KHDRBS2: variants seen among roughly 807,000 people sequenced by gnomAD.
KHDRBS2 encodes the protein KH RNA binding domain containing, signal transduction associated 2.
In KHDRBS2, 26 loss-of-function variants were observed where a neutral mutation model predicts 44.3. The observed-to-expected ratio is 0.59, with a 90% CI of 0.43 to 0.81. The LOEUF is 0.81. Among genes scored for constraint, KHDRBS2 ranks in the 40% least tolerant of loss-of-function variants. The probability of loss-of-function intolerance (pLI) is 0.00; values close to 1 mark genes in which losing one functional copy is unlikely to be tolerated. For synonymous variants in KHDRBS2, 194 were observed against 151.1 expected, an observed-to-expected ratio of 1.28 and a Z score of -2.08; for missense variants, 476 against 433.1, an observed-to-expected ratio of 1.10 and a Z score of -0.88.
At chr6:62,053,205 G>T (rs1303125780) in intron 2 of KHDRBS2, among the ~76,000 whole-genome samples, 2 of 151,884 alleles carry the variant, frequency 1.3e-5, no homozygotes, top group Non-Finnish European at 2.9e-5. Flanking sequence ...TGCACAAAGG[G>T]ATCTCTCTAG....
chr6:61,760,643 A>G (rs1343931425), intron 6 of KHDRBS2, among the ~76,000 whole-genome samples: 1 of 152,098 alleles, frequency 6.6e-6, no homozygotes, highest in African/African-American at 2.4e-5. Context: ...AGCAGAAAAA[A>G]GGAAAAAAAG....
At chr6:61,839,263 T>C (rs1009364873) in intron 6 of KHDRBS2, among the ~76,000 whole-genome samples, 3 of 152,118 alleles carry the variant, frequency 2.0e-5, no homozygotes, top group African/African-American at 7.2e-5. Context: ...TAATTATGTA[T>C]TTATTTCTGA....
At chr6:61,625,566 G>A in the KHDRBS2 span, among the ~76,000 whole-genome samples, 4 of 151,918 alleles carry the variant, frequency 2.6e-5, no homozygotes, top group Non-Finnish European at 5.9e-5. Flanking sequence ...AGAGCGACTA[G>A]GGCCAGGCAA....
chr6:61,568,635 G>A, the KHDRBS2 span, among the ~76,000 whole-genome samples: 1 of 150,998 alleles, frequency 6.6e-6, no homozygotes, highest in East Asian at 2.0e-4. Flanking sequence ...ACATCTCACT[G>A]GAGAATCTGA....
chr6:62,017,481 T>C (rs1781418481), intron 3 of KHDRBS2, among the ~76,000 whole-genome samples: 2 of 152,144 alleles, frequency 1.3e-5, no homozygotes, highest in Non-Finnish European at 2.9e-5. Context: ...AAAATAATGC[T>C]ACCCATTTAT....
At chr6:61,648,671 G>A in the KHDRBS2 span, among the ~76,000 whole-genome samples, 2 of 152,102 alleles carry the variant, frequency 1.3e-5, no homozygotes, top group Non-Finnish European at 2.9e-5. Flanking sequence ...AGAAAACAAG[G>A]CGGTCATTCT....
the KHDRBS2 span, among the ~76,000 whole-genome samples, chr6:61,667,111 A>G: frequency 6.6e-6 from 1 of 150,570 alleles, no homozygotes; most frequent in Non-Finnish European, 1.5e-5. Flanking sequence ...TAAAAACGTC[A>G]ATTATCCAAT....
chr6:61,738,750 T>A (rs929914810), intron 6 of KHDRBS2, among the ~76,000 whole-genome samples: 1 of 151,972 alleles, frequency 6.6e-6, no homozygotes, highest in African/African-American at 2.4e-5. Flanking sequence ...TTAATATTCC[T>A]ACTAATTTCT....
At chr6:61,571,483 T>C in the KHDRBS2 span, among the ~76,000 whole-genome samples, 1 of 151,258 alleles carries the variant, frequency 6.6e-6, no homozygotes, top group Non-Finnish European at 1.5e-5. Context: ...GGGACTTTGA[T>C]ATTCCACTGA....
chr6:62,001,576 A>G (rs147858926), intron 3 of KHDRBS2, among the ~76,000 whole-genome samples: 257 of 152,274 alleles, frequency 1.7e-3, no homozygotes, highest in African/African-American at 5.5e-3. Context: ...GATACTTACC[A>G]TGTCCATATT....
chr6:61,919,127 T>A (rs1278275034), intron 4 of KHDRBS2, among the ~76,000 whole-genome samples: 2 of 151,938 alleles, frequency 1.3e-5, no homozygotes, highest in African/African-American at 4.8e-5. Flanking sequence ...TTTATGTGTG[T>A]CTATTTAGAA....
intron 2 of KHDRBS2, among the ~76,000 whole-genome samples, chr6:62,059,700 G>C (rs1791268593): frequency 6.6e-6 from 1 of 151,728 alleles, no homozygotes; most frequent in Non-Finnish European, 1.5e-5. Flanking sequence ...GGTAGACCTT[G>C]AGAGATAAAT....
intron 6 of KHDRBS2, among the ~76,000 whole-genome samples, chr6:61,882,817 C>T (rs1475271822): frequency 6.6e-6 from 1 of 151,990 alleles, no homozygotes; most frequent in Non-Finnish European, 1.5e-5. Context: ...ATTAACCATT[C>T]CTGTAAGGCT....
At chr6:61,700,907 A>C (rs1037412027) in intron 7 of KHDRBS2, among the ~76,000 whole-genome samples, 4 of 151,934 alleles carry the variant, frequency 2.6e-5, no homozygotes, top group African/African-American at 9.7e-5. Context: ...TGTTAAGAGA[A>C]AAATACATTT....
At chr6:61,661,674 C>G in the KHDRBS2 span, among the ~76,000 whole-genome samples, 128,777 of 151,674 alleles carry the variant, frequency 0.85, 54,975 homozygotes, top group Non-Finnish European at 0.9. Flanking sequence ...AAAATACCTA[C>G]GAATCCAACT....
At chr6:62,136,988 CTTTT>C (rs1478705081) in intron 2 of KHDRBS2, among the ~76,000 whole-genome samples, 2 of 125,410 alleles carry the variant, frequency 1.6e-5, no homozygotes, top group Non-Finnish European at 3.3e-5. Flanking sequence ...AGCTTTCTTT[CTTTT>C]CTTTTTTTTT....
At chr6:62,062,512 C>T (rs1242658553) in intron 2 of KHDRBS2, among the ~76,000 whole-genome samples, 1 of 151,942 alleles carries the variant, frequency 6.6e-6, no homozygotes. Context: ...ACTGAACAAC[C>T]TGCTCCTGAA....
At chr6:62,008,321 ACAGT>A (rs1321846781) in intron 3 of KHDRBS2, among the ~76,000 whole-genome samples, 5 of 152,158 alleles carry the variant, frequency 3.3e-5, no homozygotes, top group African/African-American at 9.7e-5. Context: ...TAGTCATGTG[ACAGT>A]CAGTAATTTA....
chr6:61,605,363 C>A, the KHDRBS2 span, among the ~76,000 whole-genome samples: 1 of 152,128 alleles, frequency 6.6e-6, no homozygotes, highest in Non-Finnish European at 1.5e-5. Flanking sequence ...AGCTTAGTAC[C>A]ATACCATAGC....
Sources: gnomAD v4.1 joint callset for allele counts (sites outside exome capture counted in the v4.1 genomes callset) on GRCh38, gnomAD v4.1.1 for gene constraint, MANE v1.5 for transcripts, NCBI Gene and HGNC (gene_info 2026-07-23, HGNC 2026-07-21) for gene names.